The following TNS1 variants were observed in gnomAD, a reference collection of about 807,000 sequenced individuals.
The protein encoded by TNS1 is tensin-1.
A neutral mutation model predicts 168.6 loss-of-function variants in TNS1; 62 were observed. That is an observed-to-expected ratio of 0.37 (90% confidence interval 0.30 to 0.45). TNS1 has a LOEUF of 0.45. TNS1 is among the 20% of genes least tolerant of loss of function. TNS1 has a pLI of 1.00. For synonymous variants in TNS1, 934 were observed against 933.2 expected (o/e 1.00, Z -0.02); for missense variants, 2,240 against 2,339.4 (o/e 0.96, Z 0.88).
intron 19 of TNS1, among the ~76,000 whole-genome samples, chr2:217,846,108 C>T (rs1946612030): frequency 6.6e-6 from 1 of 152,092 alleles, no homozygotes; most frequent in Admixed American, 6.5e-5. Context: ...CCCATATGGA[C>T]CACCCATGGA....
chr2:218,009,365 G>C (rs536396028), intron 1 of TNS1, among the ~76,000 whole-genome samples: 10 of 151,290 alleles, frequency 6.6e-5, no homozygotes, highest in African/African-American at 2.4e-4. Flanking sequence ...CCACCCTCAC[G>C]TCTATACTCC....
At chr2:218,010,221 G>A in exon 1 of TNS1, 1 of 398,952 alleles carries the variant, frequency 2.5e-6, no homozygotes. Context: ...GGGCGCCTGG[G>A]GCGCGAGGGT....
At chr2:217,994,883 G>C (rs1387945301) in intron 1 of TNS1, among the ~76,000 whole-genome samples, 1 of 152,264 alleles carries the variant, frequency 6.6e-6, no homozygotes, top group Non-Finnish European at 1.5e-5. Context: ...GGCTGAGCGA[G>C]CACTGAGGGA....
Position 217,956,170 on chromosome 2 carries a change from AAG to A in TNS1, c.186+22593_186+22594del, listed in dbSNP as rs1467478520. Among the ~76,000 whole-genome samples the A allele has an allele frequency of 5.3e-5, 8 of 152,282 alleles. No homozygotes were observed. The South Asian group carries it at 8.3e-4, about 16-fold the overall frequency. ...TTTTTGTTTGTTTGGCTTGGTTAAA[AAG>A]AATTTTTTTTAATAGAAACAGTGTC... On this transcript the variant is annotated intron_variant, in intron 3 of 32. Transcript: ENST00000682258.
chr2:217,910,006 G>A (rs762977849), intron 4 of TNS1, among the ~76,000 whole-genome samples: 42 of 152,070 alleles, frequency 2.8e-4, no homozygotes, highest in Admixed American at 2.7e-3. Flanking sequence ...ATTGTTTATC[G>A]TCTCTAGCCT....
At chr2:217,886,205 T>G (rs568764590) in intron 13 of TNS1, 101 bp from the exon 14 acceptor site, 6 of 1,275,484 alleles carry the variant, frequency 4.7e-6, no homozygotes, top group South Asian at 4.0e-5. Context: ...AAGGAAGAAA[T>G]GGGGGAAGAC....
intron 18 of TNS1, among the ~76,000 whole-genome samples, chr2:217,857,802 C>T (rs557785746): frequency 8.5e-5 from 13 of 152,278 alleles, no homozygotes; most frequent in Admixed American, 6.5e-4. Flanking sequence ...AGCTATAACC[C>T]GAGCCTGGCA....
chr2:217,886,883 A>G (rs1053511574), intron 12 of TNS1, among the ~76,000 whole-genome samples: 1 of 152,122 alleles, frequency 6.6e-6, no homozygotes, highest in Non-Finnish European at 1.5e-5. Flanking sequence ...CAAGTCAAGC[A>G]TCCCACTTGG....
At chr2:217,991,427 G>A (rs1382190665) in intron 1 of TNS1, among the ~76,000 whole-genome samples, 1 of 152,078 alleles carries the variant, frequency 6.6e-6, no homozygotes. Flanking sequence ...ACACCCCACA[G>A]AGCCACATCC....
At chr2:217,852,094 G>A (rs1947580668) in intron 18 of TNS1, among the ~76,000 whole-genome samples, 3 of 152,136 alleles carry the variant, frequency 2.0e-5, no homozygotes, top group South Asian at 4.1e-4. Context: ...GCAGTGAGCC[G>A]AGATCGCACC....
chr2:217,827,619 C>T (rs1559179996), intron 22 of TNS1, among the ~76,000 whole-genome samples: 1 of 152,212 alleles, frequency 6.6e-6, no homozygotes, highest in Non-Finnish European at 1.5e-5. Flanking sequence ...GAGGAAGAGA[C>T]AGGAGACCAA....
At chr2:217,963,900 A>AG (rs1161998150) in intron 3 of TNS1, among the ~76,000 whole-genome samples, 1 of 151,726 alleles carries the variant, frequency 6.6e-6, no homozygotes, top group Non-Finnish European at 1.5e-5. Context: ...AAAAAAAAAA[A>AG]AAAAATTAGT....
At chr2:217,920,080 C>A in intron 4 of TNS1, 115 bp downstream of exon 4, 1 of 693,682 alleles carries the variant, frequency 1.4e-6, no homozygotes, top group East Asian at 2.7e-5. Context: ...TCCTCCTCCA[C>A]CTAATTGTCC....
chr2:217,893,400 G>GCGCACACACACACACACACA (rs58297965), intron 10 of TNS1, 39 bp downstream of exon 10: 2 of 1,251,208 alleles, frequency 1.6e-6, no homozygotes, highest in African/African-American at 3.1e-5. Flanking sequence ...GTGCGCGCGC[G>GCGCACACACACACACACACA]CACACACACA....
intron 11 of TNS1, among the ~76,000 whole-genome samples, chr2:217,891,548 G>C (rs993159949): frequency 1.1e-4 from 17 of 152,262 alleles, no homozygotes; most frequent in South Asian, 2.1e-4. Flanking sequence ...TGGGTTGCTC[G>C]AAGTCCTAAA....
intron 1 of TNS1, among the ~76,000 whole-genome samples, chr2:218,029,362 G>A (rs1458195671): frequency 1.3e-5 from 2 of 152,292 alleles, no homozygotes; most frequent in South Asian, 2.1e-4. Context: ...CTTTGATTCC[G>A]AGACACGTGG....
At chr2:218,016,613 C>A (rs917046169) in intron 1 of TNS1, among the ~76,000 whole-genome samples, 11 of 152,184 alleles carry the variant, frequency 7.2e-5, no homozygotes, top group Admixed American at 5.9e-4. Context: ...AGCCAGAGAA[C>A]TGTGATAAGG....
chr2:217,831,620 G>C, intron 21 of TNS1, 73 bp from the exon 22 acceptor site: 1 of 1,265,432 alleles, frequency 7.9e-7, no homozygotes, highest in Non-Finnish European at 1.0e-6. Context: ...AGGCACGTGA[G>C]GGCACGCTTA....
chr2:217,807,533 A>G (rs1939391963), intron 32 of TNS1, among the ~76,000 whole-genome samples: 1 of 152,164 alleles, frequency 6.6e-6, no homozygotes, highest in Non-Finnish European at 1.5e-5. Context: ...TCCTGAGGGC[A>G]GGGTCAGAGA....
Sources: allele counts gnomAD v4.1 joint callset (sites outside exome capture counted in the v4.1 genomes callset), GRCh38; gene constraint gnomAD v4.1.1; transcripts MANE v1.5; gene names NCBI Gene and HGNC (gene_info 2026-07-23, HGNC 2026-07-21).